CDIP1: variants seen among roughly 807,000 people sequenced by gnomAD.
CDIP1 encodes cell death inducing p53 target 1.
Under a neutral mutation model 17.7 loss-of-function variants are expected in CDIP1, and 9 were observed. The ratio of observed to expected loss-of-function variants is 0.51; its 90% CI spans 0.31 to 0.89. The LOEUF is 0.89. Ranked by LOEUF, CDIP1 falls within the 40% of genes least tolerant of loss-of-function variation. The pLI is 0.05. For synonymous variants in CDIP1, 117 were observed against 109.5 expected, an observed-to-expected ratio of 1.07 and a Z score of -0.43; for missense variants, 263 against 277.9, an observed-to-expected ratio of 0.95 and a Z score of 0.38.
chr16:4,512,367 A>C lies in CDIP1; in HGVS notation c.*205T>G, dbSNP rs2141625182. ...GCTCATTGTCAGCCCCCTGCCACCC[A>C]CTGACCCTTGGCCTTAAATCCCAAC... On this transcript the variant is annotated 3_prime_UTR_variant, in exon 6 of 6. Transcript: ENST00000567695. The surrounding 1 kb of genome is among the most constrained non-coding windows in gnomAD (Gnocchi z 4.6). 1 of 600,804 alleles carries C rather than the reference A, an allele frequency of 1.7e-6. No homozygotes were observed. The highest frequency in any genetic ancestry group is 2.8e-5 in the East Asian group (1 of 36,036). The allele number at this position is 600,804 out of a possible 1,614,324, so 37.2% of individuals were successfully genotyped here. A position where few individuals can be genotyped will look rare whatever the true frequency, so the allele number is the denominator to read the frequency against.
intron 1 of CDIP1, among the ~76,000 whole-genome samples, chr16:4,529,629 T>C (rs531097038): frequency 6.6e-6 from 1 of 152,296 alleles, no homozygotes; most frequent in Admixed American, 6.5e-5. Context: ...TGACTAATTT[T>C]AGAAACAGCA....
intron 1 of CDIP1, among the ~76,000 whole-genome samples, chr16:4,528,115 C>T (rs1596494113): frequency 3.3e-5 from 5 of 152,238 alleles, no homozygotes; most frequent in Non-Finnish European, 5.9e-5. Flanking sequence ...CCATGCCTGG[C>T]CAATGATATA....
rs1201286165 is a variant in CDIP1 at position 4,523,281 on chromosome 16, TGAG to T, written c.-104-8620_-104-8618del. Among the ~76,000 whole-genome samples the T allele has an allele frequency of 9.2e-5, 14 of 152,222 alleles. No homozygotes were observed. In the East Asian group the frequency reaches 1.9e-3, roughly 21 times the overall value. On this transcript the variant is annotated intron_variant, in intron 1 of 5. Coordinates refer to ENST00000567695, the MANE Select transcript of CDIP1 (RefSeq NM_013399.3). ...CTGTAATCCCAGCACTTTGGGAGGC[TGAG>T]GAGGGCGGATTACGAGGTCCAGAGA...
At chr16:4,523,978 A>G (rs930611969) in intron 1 of CDIP1, 2 of 152,212 alleles carry the variant, frequency 1.3e-5, no homozygotes, top group Non-Finnish European at 2.9e-5. Flanking sequence ...AGGCTTCCCC[A>G]GGAGACCTCC....
intron 1 of CDIP1, among the ~76,000 whole-genome samples, chr16:4,527,053 A>C (rs1237443509): frequency 6.6e-6 from 1 of 151,368 alleles, no homozygotes; most frequent in Non-Finnish European, 1.5e-5. Context: ...CAGGAGCCTG[A>C]GAGAGGAAGT....
chr16:4,526,224 G>A (rs141914763), intron 1 of CDIP1, among the ~76,000 whole-genome samples: 6 of 152,166 alleles, frequency 3.9e-5, no homozygotes, highest in African/African-American at 1.4e-4. Context: ...GGCCAACATG[G>A]TGAAACTCTG....
At chr16:4,532,454 A>T (rs1206112022) in intron 1 of CDIP1, 2 of 152,338 alleles carry the variant, frequency 1.3e-5, no homozygotes, top group Non-Finnish European at 2.9e-5. Flanking sequence ...TGCAGTTGTC[A>T]CCAGGGATAG....
At chr16:4,533,727 A>C in intron 1 of CDIP1, 1 of 117,870 alleles carries the variant, frequency 8.5e-6, no homozygotes, top group African/African-American at 3.2e-5. Flanking sequence ...CCACCCCCGT[A>C]CTCTTTCCCT....
chr16:4,521,992 G>A (rs188696803), intron 1 of CDIP1, among the ~76,000 whole-genome samples: 18 of 152,326 alleles, frequency 1.2e-4, no homozygotes, highest in Non-Finnish European at 1.6e-4. Context: ...GAAAACAACA[G>A]GTATTGACGC....
chr16:4,513,659 G>A lies in CDIP1; in HGVS notation c.241+37C>T, dbSNP rs368021543. On this transcript the variant is annotated intron_variant, in intron 4 of 5. Coordinates refer to ENST00000567695, the MANE Select transcript of CDIP1 (RefSeq NM_013399.3). This position sits in a 1 kb window ranked among gnomAD's most constrained non-coding sequence, Gnocchi z 4.1. ...AGCGCAGGCCAGACAGCAGCCAGGA[G>A]TTCCCCATGCTCCCCTCAGATCCCT... The A allele has an allele frequency of 1.5e-5, 24 of 1,588,148 alleles. No individual in the cohort carries two copies. Among genetic ancestry groups the A allele is most frequent in the Non-Finnish European group, 2.1e-5 (24 of 1,162,336 alleles).
intron 1 of CDIP1, among the ~76,000 whole-genome samples, chr16:4,537,984 G>A (rs1345366535): frequency 6.6e-6 from 1 of 152,216 alleles, no homozygotes; most frequent in African/African-American, 2.4e-5. Flanking sequence ...GCTGGGCTCC[G>A]GGACGGCCAA....
chr16:4,537,156 G>A (rs2059116174), intron 1 of CDIP1, among the ~76,000 whole-genome samples: 1 of 152,176 alleles, frequency 6.6e-6, no homozygotes, highest in Non-Finnish European at 1.5e-5. Flanking sequence ...TTATTTGGGA[G>A]GGAAAGGCAC....
chr16:4,520,064 C>T (rs1780103988), intron 1 of CDIP1, among the ~76,000 whole-genome samples: 1 of 151,714 alleles, frequency 6.6e-6, no homozygotes, highest in African/African-American at 2.4e-5. Flanking sequence ...CTCAGGTATT[C>T]TGTTAGAGAA....
intron 1 of CDIP1, among the ~76,000 whole-genome samples, chr16:4,535,823 C>T (rs2059101233): frequency 6.6e-6 from 1 of 152,264 alleles, no homozygotes; most frequent in Non-Finnish European, 1.5e-5. Context: ...GCCTCCACCT[C>T]TGCTGCACTG....
intron 1 of CDIP1, among the ~76,000 whole-genome samples, chr16:4,523,157 G>A (rs549821014): frequency 6.6e-5 from 10 of 152,288 alleles, no homozygotes; most frequent in African/African-American, 2.4e-4. Context: ...GGAGGGCGGG[G>A]GATGGTGCTT....
At chr16:4,523,197 G>C (rs148156426) in intron 1 of CDIP1, among the ~76,000 whole-genome samples, 1 of 152,144 alleles carries the variant, frequency 6.6e-6, no homozygotes, top group Non-Finnish European at 1.5e-5. Context: ...CACATCCTCC[G>C]TGCCAGATAC....
chr16:4,528,503 T>C (rs201947854), intron 1 of CDIP1, among the ~76,000 whole-genome samples: 10 of 152,210 alleles, frequency 6.6e-5, no homozygotes, highest in East Asian at 1.9e-4. Flanking sequence ...GCAGCACCTT[T>C]ACATGACTCC....
intron 1 of CDIP1, among the ~76,000 whole-genome samples, chr16:4,524,918 C>T (rs2058984136): frequency 6.6e-6 from 1 of 152,096 alleles, no homozygotes; most frequent in African/African-American, 2.4e-5. Flanking sequence ...GCCTGGGCAA[C>T]ATAACAAGAT....
At chr16:4,518,318 T>C (rs1415842960) in intron 1 of CDIP1, among the ~76,000 whole-genome samples, 3 of 152,250 alleles carry the variant, frequency 2.0e-5, no homozygotes, top group Non-Finnish European at 2.9e-5. Context: ...CCCATGATGA[T>C]AGGGTGTAAG....
Sources: gnomAD v4.1 joint callset for allele counts (sites outside exome capture counted in the v4.1 genomes callset) on GRCh38, gnomAD v4.1.1 for gene constraint, Gnocchi (gnomAD v3.1) non-coding constraint, MANE v1.5 for transcripts, NCBI Gene and HGNC (gene_info 2026-07-23, HGNC 2026-07-21) for gene names.